ACOXL: variants seen among roughly 807,000 people sequenced by gnomAD.
ACOXL encodes the protein acyl-CoA oxidase like, also known as acyl-coenzyme A oxidase-like protein.
Under a neutral mutation model 71.9 loss-of-function variants are expected in ACOXL, and 70 were observed. That is an observed-to-expected ratio of 0.97 (90% CI 0.80 to 1.19). ACOXL has a LOEUF of 1.19. Ranked by LOEUF, ACOXL falls within the 50% of genes most tolerant of loss-of-function variation. ACOXL has a pLI of 0.00. For missense variants in ACOXL, 703 were observed against 736.3 expected, an observed-to-expected ratio of 0.95 and a Z score of 0.52; for synonymous variants, 253 against 281.6, an observed-to-expected ratio of 0.90 and a Z score of 1.02.
intron 12 of ACOXL, among the ~76,000 whole-genome samples, chr2:110,977,005 T>C (rs997300186): frequency 6.6e-6 from 1 of 152,106 alleles, no homozygotes; most frequent in East Asian, 1.9e-4. Context: ...AGGTAAAAGA[T>C]TGGGTAGGAG....
chr2:110,809,778 A>G (rs1687090580), intron 9 of ACOXL, among the ~76,000 whole-genome samples: 1 of 152,132 alleles, frequency 6.6e-6, no homozygotes, highest in Non-Finnish European at 1.5e-5. Flanking sequence ...AGGGCATCTG[A>G]GTCCCCTTGA....
chr2:110,852,282 G>T (rs1204725724), intron 10 of ACOXL, among the ~76,000 whole-genome samples: 1 of 152,194 alleles, frequency 6.6e-6, no homozygotes, highest in Non-Finnish European at 1.5e-5. Context: ...GTGGAGGGGG[G>T]CTACCAAGGT....
intron 16 of ACOXL, among the ~76,000 whole-genome samples, chr2:111,065,611 C>T (rs1386253811): frequency 6.6e-6 from 1 of 152,180 alleles, no homozygotes; most frequent in East Asian, 1.9e-4. Context: ...TTGCAAAGCA[C>T]ATATCACACA....
intron 14 of ACOXL, among the ~76,000 whole-genome samples, chr2:111,025,191 C>T (rs1231734076): frequency 2.0e-5 from 3 of 152,054 alleles, no homozygotes; most frequent in African/African-American, 4.8e-5. Context: ...AAGTGGTATT[C>T]GTTTGTGTAG....
At chr2:111,012,136 AT>A (rs1192069879) in intron 14 of ACOXL, among the ~76,000 whole-genome samples, 1 of 152,232 alleles carries the variant, frequency 6.6e-6, no homozygotes, top group Non-Finnish European at 1.5e-5. Context: ...GCTTTGTTTT[AT>A]TGCATACTGC....
chr2:110,939,614 T>A (rs2060795750), intron 12 of ACOXL, among the ~76,000 whole-genome samples: 1 of 152,222 alleles, frequency 6.6e-6, no homozygotes, highest in Non-Finnish European at 1.5e-5. Flanking sequence ...TTCTAGTACC[T>A]TGGCACCTAA....
At chr2:110,736,231 A>G (rs1391647971) in intron 1 of ACOXL, among the ~76,000 whole-genome samples, 1 of 152,156 alleles carries the variant, frequency 6.6e-6, no homozygotes, top group Non-Finnish European at 1.5e-5. Context: ...CAAAATACAC[A>G]CTATATAAAA....
intron 9 of ACOXL, among the ~76,000 whole-genome samples, chr2:110,817,196 C>T (rs1471855264): frequency 6.6e-6 from 1 of 152,216 alleles, no homozygotes. Flanking sequence ...CTGATGGTCT[C>T]CCGTGGGCTA....
At chr2:110,942,809 A>C (rs2060914460) in intron 12 of ACOXL, among the ~76,000 whole-genome samples, 1 of 151,378 alleles carries the variant, frequency 6.6e-6, no homozygotes, top group South Asian at 2.1e-4. Context: ...CTTGAACCCT[A>C]AGAGGTGGAG....
chr2:111,090,102 A>C (rs1574729767), intron 16 of ACOXL, among the ~76,000 whole-genome samples: 1 of 152,202 alleles, frequency 6.6e-6, no homozygotes, highest in East Asian at 1.9e-4. Flanking sequence ...TTGGTTCCTT[A>C]GGTAGCAGAA....
At chr2:110,962,603 G>A (rs867146225) in intron 12 of ACOXL, among the ~76,000 whole-genome samples, 7 of 152,214 alleles carry the variant, frequency 4.6e-5, no homozygotes, top group Admixed American at 1.3e-4. Context: ...GAGGGCAGCA[G>A]GCACCTGGAA....
chr2:110,864,234 G>A (rs1573893741), intron 10 of ACOXL, among the ~76,000 whole-genome samples: 1 of 152,190 alleles, frequency 6.6e-6, no homozygotes, highest in East Asian at 1.9e-4. Context: ...CCCATAGTGG[G>A]AGATGGGAAA....
intron 10 of ACOXL, among the ~76,000 whole-genome samples, chr2:110,893,463 T>G (rs2058875713): frequency 6.6e-6 from 1 of 152,138 alleles, no homozygotes; most frequent in Non-Finnish European, 1.5e-5. Context: ...TCAGCTTTGG[T>G]AGGAATGTAT....
intron 9 of ACOXL, among the ~76,000 whole-genome samples, chr2:110,817,340 C>T (rs1233410508): frequency 6.6e-6 from 1 of 152,220 alleles, no homozygotes; most frequent in Non-Finnish European, 1.5e-5. Flanking sequence ...TCATGTGGGG[C>T]AGTGCAGGGT....
intron 16 of ACOXL, among the ~76,000 whole-genome samples, chr2:111,092,216 C>G (rs2068562552): frequency 6.6e-6 from 1 of 152,050 alleles, no homozygotes; most frequent in Non-Finnish European, 1.5e-5. Flanking sequence ...ATACTATGCT[C>G]TCTATTTTTG....
chr2:111,106,059 A>G (rs1230386568), intron 17 of ACOXL, among the ~76,000 whole-genome samples: 1 of 152,138 alleles, frequency 6.6e-6, no homozygotes, highest in African/African-American at 2.4e-5. Flanking sequence ...TCTTTTGCCA[A>G]ATCTGGGGAG....
At chr2:111,096,224 AATTATTATTATT>A (rs67800488) in intron 17 of ACOXL, among the ~76,000 whole-genome samples, 7 of 145,266 alleles carry the variant, frequency 4.8e-5, no homozygotes, top group African/African-American at 1.8e-4. Flanking sequence ...TTATTTTTAA[AATTATTATTATT>A]ATTATTATTA....
intron 9 of ACOXL, among the ~76,000 whole-genome samples, chr2:110,815,097 G>A (rs1274107366): frequency 2.6e-5 from 4 of 152,166 alleles, no homozygotes; most frequent in Admixed American, 1.3e-4. Flanking sequence ...GGAAGGGCGA[G>A]CAAATATGTC....
At chr2:110,745,728 G>A (rs1005821927) in intron 1 of ACOXL, among the ~76,000 whole-genome samples, 4 of 152,126 alleles carry the variant, frequency 2.6e-5, no homozygotes, top group Admixed American at 1.3e-4. Flanking sequence ...AATATTACCC[G>A]TGCAAGGAAC....
Sources: gnomAD v4.1 joint callset for allele counts (sites outside exome capture counted in the v4.1 genomes callset) on GRCh38, gnomAD v4.1.1 for gene constraint, MANE v1.5 for transcripts, NCBI Gene and HGNC (gene_info 2026-07-23, HGNC 2026-07-21) for gene names.